Variants in JPH3 observed in about 807,000 individuals in gnomAD.
The protein encoded by JPH3 is junctophilin 3, also known as junctophilin-3.
JPH3 carries 11 observed loss-of-function variants against 59.6 expected under a neutral mutation model. That is an observed-to-expected ratio of 0.18 (90% CI 0.12 to 0.31). The LOEUF is 0.31. Among genes scored for constraint, JPH3 ranks in the 10% least tolerant of loss-of-function variants. The probability of loss-of-function intolerance (pLI) is 1.00; values close to 1 mark genes in which losing one functional copy is unlikely to be tolerated. For missense variants in JPH3, 1,202 were observed against 1,105.7 expected (o/e 1.09, Z -1.24); for synonymous variants, 673 against 483.6 (o/e 1.39, Z -5.14).
intron 1 of JPH3, among the ~76,000 whole-genome samples, chr16:87,621,802 G>A (rs1302482609): frequency 6.6e-6 from 1 of 152,198 alleles, no homozygotes; most frequent in African/African-American, 2.4e-5. Context: ...GGGACGTAGG[G>A]CTCACTAGAC....
intron 1 of JPH3, among the ~76,000 whole-genome samples, chr16:87,606,631 G>A (rs2030531568): frequency 6.6e-6 from 1 of 152,192 alleles, no homozygotes; most frequent in African/African-American, 2.4e-5. Flanking sequence ...TTTACAAAAG[G>A]TTGATAACAA....
chr16:87,658,835 G>A (rs113541407), intron 2 of JPH3, among the ~76,000 whole-genome samples: 1 of 152,242 alleles, frequency 6.6e-6, no homozygotes, highest in Admixed American at 6.5e-5. Flanking sequence ...TGGTGCTGAG[G>A]CAGGGGTGGG....
At chr16:87,651,002 T>G (rs946174886) in intron 2 of JPH3, among the ~76,000 whole-genome samples, 1 of 152,242 alleles carries the variant, frequency 6.6e-6, no homozygotes, top group African/African-American at 2.4e-5. Context: ...AGCTAATGGC[T>G]GGATTTGAAG....
intron 2 of JPH3, among the ~76,000 whole-genome samples, chr16:87,679,265 T>C (rs891599764): frequency 3.4e-5 from 5 of 149,154 alleles, no homozygotes; most frequent in African/African-American, 5.0e-5. Flanking sequence ...AAAAATTTTT[T>C]AAATGAAAAA....
chr16:87,689,822 C>G lies in JPH3; in HGVS notation c.1462C>G (p.Pro488Ala), dbSNP rs747694319. ...CTTCCCCACCAGCCCCGCGGCCACCCCGCCGCCCGCGCCCGCCGCCAGGAA... is the reference window on the plus strand; with the variant it reads ...CTTCCCCACCAGCCCCGCGGCCACCGCGCCGCCCGCGCCCGCCGCCAGGAA... ...QSFPTSPAATPPPAPAARNKV... is the reference protein window; with the variant it reads ...QSFPTSPAATAPPAPAARNKV... Residue 488 changes from proline to alanine, a missense_variant, in exon 4 of 5, where the codon CCG becomes GCG. By Grantham distance (27) the Pro-to-Ala change is conservative. Transcript: ENST00000284262. 6.4e-7 allele frequency: 1 copy of G among 1,564,894 alleles called. No homozygotes were observed. Among genetic ancestry groups the G allele is most frequent in the Admixed American group, 1.9e-5 (1 of 54,030 alleles).
intron 2 of JPH3, among the ~76,000 whole-genome samples, chr16:87,649,658 C>T (rs990563995): frequency 6.6e-6 from 1 of 152,180 alleles, no homozygotes; most frequent in African/African-American, 2.4e-5. Flanking sequence ...GCCGTGGAAA[C>T]CAAATAAAAG....
chr16:87,648,089 A>T (rs533903945), intron 2 of JPH3, among the ~76,000 whole-genome samples: 97 of 152,220 alleles, frequency 6.4e-4, no homozygotes, highest in African/African-American at 2.3e-3. Flanking sequence ...TGTGACAGGC[A>T]TGGGAGGCAG....
chr16:87,652,501 C>A (rs1282691528), intron 2 of JPH3, among the ~76,000 whole-genome samples: 1 of 152,228 alleles, frequency 6.6e-6, no homozygotes, highest in African/African-American at 2.4e-5. Flanking sequence ...TCTTACTCTG[C>A]CGTCCAGGCC....
At chr16:87,650,102 G>A (rs1172023521) in intron 2 of JPH3, among the ~76,000 whole-genome samples, 4 of 152,224 alleles carry the variant, frequency 2.6e-5, no homozygotes, top group East Asian at 1.9e-4. Context: ...TTTACACATT[G>A]GAGGTTTGTG....
chr16:87,632,391 T>C (rs998713887), intron 1 of JPH3, among the ~76,000 whole-genome samples: 8 of 152,228 alleles, frequency 5.3e-5, no homozygotes, highest in African/African-American at 1.9e-4. Flanking sequence ...GAAAACTCTC[T>C]TCCTTTCATT....
chr16:87,604,168 G>A (rs2030392194), intron 1 of JPH3: 7 of 1,382,806 alleles, frequency 5.1e-6, no homozygotes, highest in African/African-American at 2.9e-5. Flanking sequence ...GAGAGCCCAG[G>A]AATCTCGTCT....
chr16:87,657,471 C>T (rs1180244945), intron 2 of JPH3, among the ~76,000 whole-genome samples: 1 of 152,132 alleles, frequency 6.6e-6, no homozygotes, highest in Non-Finnish European at 1.5e-5. Context: ...TGCAAGTGGA[C>T]CGGTGACCGA....
chr16:87,695,108 C>G (rs1323152397), intron 4 of JPH3: 2 of 356,710 alleles, frequency 5.6e-6, no homozygotes. Flanking sequence ...CTCATCAATT[C>G]TCTTCCAGTC....
In JPH3 at chr16:87,689,935, C is replaced by T; in HGVS notation, c.1575C>T (p.Asp525=). The change falls in exon 4 of 5, where the codon GAC becomes GAT. Residue 525 remains aspartate (D), a synonymous_variant. Transcript: ENST00000284262. ...IQMLLEGRAG[D]CARSSWGEEQ... Reference sequence around the variant, plus strand: ...TGCTCCTGGAGGGCCGGGCCGGGGACTGCGCCCGCAGCAGCTGGGGCGAGG... The same window carrying T: ...TGCTCCTGGAGGGCCGGGCCGGGGATTGCGCCCGCAGCAGCTGGGGCGAGG... 1 of 1,450,004 alleles carries T rather than the reference C, an allele frequency of 6.9e-7. No individual in the cohort carries two copies. Among genetic ancestry groups the T allele is most frequent in the Non-Finnish European group, 9.0e-7 (1 of 1,105,120 alleles). The allele number at this position is 1,450,004 out of a possible 1,614,324, so 89.8% of individuals were successfully genotyped here.
chr16:87,621,405 G>A (rs1848531873), intron 1 of JPH3, among the ~76,000 whole-genome samples: 1 of 152,234 alleles, frequency 6.6e-6, no homozygotes, highest in Non-Finnish European at 1.5e-5. Context: ...GGGGCTTCAG[G>A]GTGGTCTGGG....
intron 2 of JPH3, among the ~76,000 whole-genome samples, chr16:87,662,965 G>C (rs921816099): frequency 6.6e-6 from 1 of 152,186 alleles, no homozygotes; most frequent in African/African-American, 2.4e-5. Context: ...TAAGCCCTGA[G>C]CTCACTAATC....
intron 1 of JPH3, among the ~76,000 whole-genome samples, chr16:87,613,258 G>A (rs1156468118): frequency 2.6e-5 from 4 of 151,418 alleles, no homozygotes; most frequent in Admixed American, 6.6e-5. Flanking sequence ...CACCACGTCC[G>A]GCTAATTTTT....
intron 1 of JPH3, among the ~76,000 whole-genome samples, chr16:87,622,694 G>T (rs1438913487): frequency 1.3e-5 from 2 of 152,068 alleles, no homozygotes; most frequent in African/African-American, 4.8e-5. Flanking sequence ...CATGGGGTCT[G>T]GGGGAGCCCC....
rs567644797 is a variant in JPH3, at chr16:87,680,070, C to A, written c.1161-4072C>A. Among the ~76,000 whole-genome samples the A allele has an allele frequency of 2.0e-5, 3 of 152,350 alleles. No homozygotes were observed. The East Asian group carries it at 5.8e-4, about 29-fold the overall frequency. ...ACACACCCAGCCCAGGGTGTGGTCTCCCCACCCAGCTGCCTCCCTTGCAAA... is the reference window on the plus strand; with the variant it reads ...ACACACCCAGCCCAGGGTGTGGTCTACCCACCCAGCTGCCTCCCTTGCAAA... On this transcript the variant is annotated intron_variant, in intron 2 of 4. Coordinates refer to ENST00000284262, the MANE Select transcript of JPH3 (RefSeq NM_020655.4).
Sources: allele counts gnomAD v4.1 joint callset (sites outside exome capture counted in the v4.1 genomes callset), GRCh38; gene constraint gnomAD v4.1.1; transcripts MANE v1.5; gene names NCBI Gene and HGNC (gene_info 2026-07-23, HGNC 2026-07-21).